AHNAK2: variants seen among roughly 807,000 people sequenced by gnomAD.
The protein encoded by AHNAK2 is AHNAK nucleoprotein 2.
AHNAK2 carries 18 observed loss-of-function variants against 30.7 expected under a neutral mutation model. The ratio of observed to expected loss-of-function variants is 0.59; its 90% CI spans 0.41 to 0.87. The LOEUF is 0.87. AHNAK2 is among the 40% of genes least tolerant of loss of function. The pLI is 0.00. For missense variants in AHNAK2, 8,604 were observed against 7,373.0 expected (o/e 1.17, Z -6.11); for synonymous variants, 3,590 against 3,073.8 (o/e 1.17, Z -5.56).
Position 104,948,176 on chromosome 14 carries a change from G to A in AHNAK2, c.7275C>T (p.Gly2425=), listed in dbSNP as rs528890867. ...TGGGGCCTTTCAGGTCCAGCTTGGGGCCCTTGACATCTATCTGGGGGCCCT... is the reference window on the plus strand; with the variant it reads ...TGGGGCCTTTCAGGTCCAGCTTGGGACCCTTGACATCTATCTGGGGGCCCT... ...DLKGPQIDVK[G]PKLDLKGPKT... is the part of the protein sequence containing the mutation. Residue 2425 remains glycine (G), a synonymous_variant, in exon 7 of 7, where the codon GGC becomes GGT. Coordinates refer to ENST00000333244, the MANE Select transcript of AHNAK2 (RefSeq NM_138420.4). 1 of 1,612,710 alleles carries A rather than the reference G, an allele frequency of 6.2e-7. No individual in the cohort carries two copies. The highest frequency in any genetic ancestry group is 2.2e-5 in the East Asian group (1 of 44,746).
rs560166243 is a variant in AHNAK2 at position 104,961,286 on chromosome 14, G to A, written c.56-3614C>T. Among the ~76,000 whole-genome samples, 782 of 151,838 alleles carry A rather than the reference G, an allele frequency of 5.2e-3. 2 individuals are homozygous for A. Among genetic ancestry groups the A allele is most frequent in the African/African-American group, 0.015 (620 of 41,414 alleles). On this transcript the variant is annotated intron_variant, in intron 1 of 6. Coordinates refer to ENST00000333244, the MANE Select transcript of AHNAK2 (RefSeq NM_138420.4). ...TCCCAGCACTTTGGGAGGCCGAGGC[G>A]GGCGGATCACGAGGTCAGGAGATCA...
chr14:104,968,391 C>T (rs1899373691), intron 1 of AHNAK2, among the ~76,000 whole-genome samples: 1 of 152,004 alleles, frequency 6.6e-6, no homozygotes, highest in Admixed American at 6.6e-5. Context: ...ACGAGCAGAT[C>T]CTGGCCGGGA....
intron 1 of AHNAK2, among the ~76,000 whole-genome samples, chr14:104,971,280 A>G (rs2140883618): frequency 6.6e-6 from 1 of 152,148 alleles, no homozygotes; most frequent in East Asian, 1.9e-4. Context: ...CACCTGGCTA[A>G]TTTTAAAAAT....
rs887743140 is a variant in AHNAK2 at position 104,966,631 on chromosome 14, C to T, written c.56-8959G>A. Among the ~76,000 whole-genome samples the T allele has an allele frequency of 4.6e-5, 7 of 152,140 alleles. No individual in the cohort carries two copies. Among genetic ancestry groups the T allele is most frequent in the African/African-American group, 9.7e-5 (4 of 41,424 alleles). On this transcript the variant is annotated intron_variant, in intron 1 of 6. Coordinates refer to ENST00000333244, the MANE Select transcript of AHNAK2 (RefSeq NM_138420.4). The surrounding 1 kb of genome is among the most constrained non-coding windows in gnomAD (Gnocchi z 4.3). ...AAACCCTCCACTCCTTGCCCACCTG[C>T]CCCCTCCCACTCCCTCCACGTGGCC... is the stretch of plus-strand genomic sequence containing the variant.
At chr14:104,975,297 G>C (rs1899565429) in intron 1 of AHNAK2, among the ~76,000 whole-genome samples, 1 of 152,246 alleles carries the variant, frequency 6.6e-6, no homozygotes, top group Non-Finnish European at 1.5e-5. Flanking sequence ...AGCTGCACCA[G>C]GTGGGCACTG....
At position 104,947,225 on chromosome 14, in the gene AHNAK2, A is replaced by C; in HGVS notation, c.8226T>G (p.Pro2742=). 1 of 1,610,356 alleles carries C rather than the reference A, an allele frequency of 6.2e-7. No individual in the cohort carries two copies. The highest frequency in any genetic ancestry group is 8.5e-7 in the Non-Finnish European group (1 of 1,178,964). The change falls in exon 7 of 7, where the codon CCT becomes CCG. Residue 2742 remains proline (P), a synonymous_variant. Coordinates refer to ENST00000333244, the MANE Select transcript of AHNAK2 (RefSeq NM_138420.4). ...TCTGGGGGCCCTTGAGGTCCACTTC[A>C]GGCATCTTGAAACTGGGCATCTGCA... is the stretch of plus-strand genomic sequence containing the variant. The part of the protein sequence containing the change: ...PKLQMPSFKM[P]EVDLKGPQID...
chr14:104,948,686 T>C lies in AHNAK2; in HGVS notation c.6765A>G (p.Glu2255=), dbSNP rs556988205. 1.9e-4 allele frequency: 305 copies of C among 1,603,700 alleles called. 15 individuals carry two copies. The East Asian group carries it at 6.2e-3, about 33-fold the overall frequency. Residue 2255 remains glutamate (E), a synonymous_variant, in exon 7 of 7, where the codon GAA becomes GAG. Coordinates refer to ENST00000333244, the MANE Select transcript of AHNAK2 (RefSeq NM_138420.4). ...CCAGCTTGGGGCCCTTGATGTCTAT[T>C]TCGGGGCCCTTGAGGTCCACTTTGG... ...KVPKVDLKGP[E]IDIKGPKLDL... is the part of the protein sequence containing the mutation.
chr14:104,970,882 C>T (rs1220002643), intron 1 of AHNAK2, among the ~76,000 whole-genome samples: 1 of 152,074 alleles, frequency 6.6e-6, no homozygotes, highest in African/African-American at 2.4e-5. Context: ...CCCTGTGTCT[C>T]AGTTTCCCTA....
rs371716630 is a variant in AHNAK2 at position 104,951,906 on chromosome 14, A to C, written c.3545T>G (p.Ile1182Ser). ...TGCAGACACATCCACCGAGGCCTCG[A>C]TGGACTTGCCTGGGGCTGACGCCCC... ...SFGASAPGKS[I>S]EASVDVSAPK... The change falls in exon 7 of 7, where the codon ATC becomes AGC. Residue 1182 changes from isoleucine (I) to serine (S), a missense_variant. Physicochemically the swap from Ile to Ser is moderately radical, Grantham distance 142 (BLOSUM62 -2). Coordinates refer to ENST00000333244, the MANE Select transcript of AHNAK2 (RefSeq NM_138420.4). The C allele has an allele frequency of 1.4e-4, 220 of 1,609,562 alleles. No individual in the cohort carries two copies. Among genetic ancestry groups the C allele is most frequent in the Non-Finnish European group, 1.8e-4 (209 of 1,178,396 alleles).
Position 104,944,472 on chromosome 14 carries a change from G to A in AHNAK2, c.10979C>T (p.Ser3660Leu), listed in dbSNP as rs780024349. 106 of 1,613,040 alleles carry A rather than the reference G, an allele frequency of 6.6e-5. No homozygotes were observed. Among genetic ancestry groups the A allele is most frequent in the African/African-American group, 3.9e-4 (29 of 74,692 alleles). ...VSAPGKSMEA[S>L]VDVSAPKVEA... ...CACCTTGGGTGCAGACACATCCACC[G>A]AGGCCTCCATGGACTTCCCTGGGGC... The change falls in exon 7 of 7, where the codon TCG becomes TTG. Residue 3660 changes from serine to leucine, a missense_variant. Ser to Leu is a moderately radical substitution (Grantham distance 145, BLOSUM62 -2). Transcript: ENST00000333244.
Position 104,942,245 on chromosome 14 carries a change from G to C in AHNAK2, c.13206C>G (p.Asp4402Glu), listed in dbSNP as rs778375938. 1 of 1,612,090 alleles carries C rather than the reference G, an allele frequency of 6.2e-7. No individual in the cohort carries two copies. Among genetic ancestry groups the C allele is most frequent in the African/African-American group, 1.3e-5 (1 of 74,488 alleles). Residue 4402 changes from aspartate to glutamate, a missense_variant, in exon 7 of 7, where the codon GAC becomes GAG. Coordinates refer to ENST00000333244, the MANE Select transcript of AHNAK2 (RefSeq NM_138420.4). ...TCAGGTCCAGCTTGGGGACATTAAC[G>C]TCTATCTGGGGACCCTTGAGGTCCA... ...PKVDLKGPQI[D>E]VNVPKLDLKG...
At chr14:104,969,105 TCTCGGGATGAG>T (rs1240158208) in intron 1 of AHNAK2, among the ~76,000 whole-genome samples, 2 of 152,142 alleles carry the variant, frequency 1.3e-5, no homozygotes, top group Non-Finnish European at 2.9e-5. Context: ...GAGATAACTC[TCTCGGGATGAG>T]CTCAGGCTCT....
Position 104,946,779 on chromosome 14 carries a change from C to A in AHNAK2, c.8672G>T (p.Gly2891Val). 6.2e-7 allele frequency: 1 copy of A among 1,612,772 alleles called. No homozygotes were observed. Among genetic ancestry groups the A allele is most frequent in the Non-Finnish European group, 8.5e-7 (1 of 1,179,608 alleles). ...CACCTTGGGCAGGTGCCCTTTGAGG[C>A]CGGCTCCCTCGGGAACGTGGCCCTC... ...LPEGHVPEGA[G>V]LKGHLPKVQM... Residue 2891 changes from glycine (G) to valine (V), a missense_variant, in exon 7 of 7, where the codon GGC becomes GTC. Coordinates refer to ENST00000333244, the MANE Select transcript of AHNAK2 (RefSeq NM_138420.4).
chr14:104,975,793 G>A (rs1439820136), intron 1 of AHNAK2, among the ~76,000 whole-genome samples: 1 of 152,204 alleles, frequency 6.6e-6, no homozygotes, highest in Non-Finnish European at 1.5e-5. Context: ...CCCTGGCTGC[G>A]TGGAGCTAGC....
In AHNAK2 at chr14:104,945,335, C is replaced by T. The variant is rs1484400403; in HGVS notation, c.10116G>A (p.Val3372=). The T allele has an allele frequency of 6.2e-7, 1 of 1,612,848 alleles. No homozygotes were observed. Residue 3372 remains valine (V), a synonymous_variant, in exon 7 of 7, where the codon GTG becomes GTA. Coordinates refer to ENST00000333244, the MANE Select transcript of AHNAK2 (RefSeq NM_138420.4). ...SVDLEVQAGQ[V]DVKLPEGHVP... ...CGTGGCCCTCCGGGAGCTTCACGTC[C>T]ACCTGGCCAGCCTGGACCTCCAGGT...
chr14:104,942,326 G>A lies in AHNAK2; in HGVS notation c.13125C>T (p.Ala4375=), dbSNP rs200949300. 543 of 1,613,226 alleles carry A rather than the reference G, an allele frequency of 3.4e-4. 1 individual carries two copies. The highest frequency in any genetic ancestry group is 4.4e-4 in the Non-Finnish European group (520 of 1,179,782). The change falls in exon 7 of 7, where the codon GCC becomes GCT. Residue 4375 remains alanine (A), a synonymous_variant. Coordinates refer to ENST00000333244, the MANE Select transcript of AHNAK2 (RefSeq NM_138420.4). Reference sequence around the variant, plus strand: ...GCTTCGGCAGGTGCCCTTTGAGGCCGGCTCCCTCATGCACAGGGCCCTCTG... The same window carrying A: ...GCTTCGGCAGGTGCCCTTTGAGGCCAGCTCCCTCATGCACAGGGCCCTCTG... ...KLPEGPVHEG[A]GLKGHLPKLQ... is the part of the protein sequence containing the mutation.
chr14:104,962,798 C>T (rs1053592690), intron 1 of AHNAK2, among the ~76,000 whole-genome samples: 2 of 152,186 alleles, frequency 1.3e-5, no homozygotes, highest in African/African-American at 4.8e-5. Flanking sequence ...CCTGGAACAG[C>T]TGGGTATTTA....
At position 104,946,854 on chromosome 14, in the gene AHNAK2, G is replaced by A. The variant is rs565701275; in HGVS notation, c.8597C>T (p.Pro2866Leu). The A allele has an allele frequency of 6.2e-7, 1 of 1,612,694 alleles. No individual in the cohort carries two copies. The highest frequency in any genetic ancestry group is 1.7e-5 in the Admixed American group (1 of 59,950). ...AGCCTGGACCTCCAGTTGGGCGGAG[G>A]GGGGCTGAATGCGGATGTCAGTGGT... is the stretch of plus-strand genomic sequence containing the variant. ...LKTTDIRIQP[P>L]SAQLEVQAGQ... The change falls in exon 7 of 7, where the codon CCC (proline) becomes CTC (leucine). Residue 2866 changes from proline to leucine, a missense_variant. By Grantham distance (98) the Pro-to-Leu change is moderately conservative. Coordinates refer to ENST00000333244, the MANE Select transcript of AHNAK2 (RefSeq NM_138420.4).
Position 104,957,461 on chromosome 14 carries a change from C to A in AHNAK2, c.162G>T (p.Gly54=), listed in dbSNP as rs1345915888. The A allele has an allele frequency of 1.2e-6, 2 of 1,602,218 alleles. No individual in the cohort carries two copies. The highest frequency in any genetic ancestry group is 1.1e-5 in the South Asian group (1 of 90,248). Residue 54 remains glycine, a synonymous_variant, in exon 3 of 7, where the codon GGG becomes GGT. Coordinates refer to ENST00000333244, the MANE Select transcript of AHNAK2 (RefSeq NM_138420.4). ...ADEGIRPRPQ[G]SSPVYEYTTE... is the part of the protein sequence containing the mutation. ...TCGTGTATTCGTAGACAGGTGAAGA[C>A]CCCTGCGGCCGTGGTCGAATGCCCT...
Sources: gnomAD v4.1 joint callset for allele counts (sites outside exome capture counted in the v4.1 genomes callset) on GRCh38, gnomAD v4.1.1 for gene constraint, Gnocchi (gnomAD v3.1) non-coding constraint, MANE v1.5 for transcripts, NCBI Gene and HGNC (gene_info 2026-07-23, HGNC 2026-07-21) for gene names.